Variants in MBTPS1 observed in about 807,000 individuals in gnomAD.
MBTPS1 encodes membrane bound transcription factor peptidase, site 1.
In MBTPS1, 94 loss-of-function variants were observed where a neutral mutation model predicts 127.8. That is an observed-to-expected ratio of 0.74 (90% confidence interval 0.62 to 0.87). MBTPS1 has a LOEUF of 0.87. MBTPS1 is among the 40% of genes least tolerant of loss of function. The probability of loss-of-function intolerance (pLI) is 0.00; values close to 1 mark genes in which losing one functional copy is unlikely to be tolerated. For synonymous variants in MBTPS1, 632 were observed against 509.4 expected, an observed-to-expected ratio of 1.24 and a Z score of -3.24; for missense variants, 1,636 against 1,353.2, an observed-to-expected ratio of 1.21 and a Z score of -3.28.
intron 12 of MBTPS1, among the ~76,000 whole-genome samples, chr16:84,072,433 T>C (rs1019433001): frequency 1.3e-5 from 2 of 152,164 alleles, no homozygotes; most frequent in Non-Finnish European, 2.9e-5. Context: ...CCTAAAAGGG[T>C]GAATTTCACG....
At position 84,053,882 on chromosome 16, in the gene MBTPS1, G is replaced by C. The variant is rs2085476748; in HGVS notation, c.*567C>G. 1 of 152,102 alleles carries C rather than the reference G, an allele frequency of 6.6e-6. No homozygotes were observed. Among genetic ancestry groups the C allele is most frequent in the African/African-American group, 2.4e-5 (1 of 41,386 alleles). The allele number at this position is 152,102 out of a possible 1,614,324, so 9.4% of individuals were successfully genotyped here. A position where few individuals can be genotyped will look rare whatever the true frequency, so the allele number is the denominator to read the frequency against. On this transcript the variant is annotated 3_prime_UTR_variant, in exon 23 of 23. Coordinates refer to ENST00000343411, the MANE Select transcript of MBTPS1 (RefSeq NM_003791.4). ...TGATACTTACAAAAATAAAGCGAAGGTCTATGTTTTACAGATTTGTGCATG... is the reference window on the plus strand; with the variant it reads ...TGATACTTACAAAAATAAAGCGAAGCTCTATGTTTTACAGATTTGTGCATG...
chr16:84,084,308 C>G (rs1437922063), intron 10 of MBTPS1, among the ~76,000 whole-genome samples: 1 of 152,224 alleles, frequency 6.6e-6, no homozygotes, highest in East Asian at 1.9e-4. Flanking sequence ...AAGGGCCAGT[C>G]ACTAAGCTCC....
chr16:84,079,207 C>T (rs576388994), intron 11 of MBTPS1, among the ~76,000 whole-genome samples: 2 of 152,332 alleles, frequency 1.3e-5, no homozygotes, highest in South Asian at 4.1e-4. Flanking sequence ...GAGGCCTCCC[C>T]AGAAGCAGGT....
At chr16:84,087,253 T>C (rs2086041756) in intron 9 of MBTPS1, 105 bp downstream of exon 9, 2 of 798,804 alleles carry the variant, frequency 2.5e-6, no homozygotes, top group African/African-American at 1.7e-5. Flanking sequence ...AATGTGAGGG[T>C]GTCTGTGCAC....
At chr16:84,081,141 C>A (rs1205195877) in intron 11 of MBTPS1, among the ~76,000 whole-genome samples, 2 of 152,200 alleles carry the variant, frequency 1.3e-5, no homozygotes, top group African/African-American at 2.4e-5. Flanking sequence ...GACGCTCATA[C>A]TGAGGTTATG....
chr16:84,078,685 A>T (rs565299174), intron 11 of MBTPS1, among the ~76,000 whole-genome samples: 8 of 152,232 alleles, frequency 5.3e-5, no homozygotes, highest in Non-Finnish European at 1.2e-4. Context: ...GGCTTAAACG[A>T]TTGTACATTC....
Position 84,059,345 on chromosome 16 carries a change from A to G in MBTPS1, c.2788T>C (p.Leu930=), listed in dbSNP as rs1377550536. The change falls in exon 21 of 23, where the codon TTG becomes CTG. Residue 930 remains leucine, a synonymous_variant. Transcript: ENST00000343411. The part of the protein sequence containing the change: ...KPRPLPACPR[L]SWAKPQPLNE... ...AAAGGCTGTGGCTTGGCCCAAGACA[A>G]GCGTGGACAGGCTGGTAGAGGCCGA... 1 of 1,614,168 alleles carries G rather than the reference A, an allele frequency of 6.2e-7. No individual in the cohort carries two copies.
intron 1 of MBTPS1, among the ~76,000 whole-genome samples, chr16:84,116,081 G>A (rs896274056): frequency 2.0e-5 from 3 of 152,132 alleles, no homozygotes; most frequent in Non-Finnish European, 2.9e-5. Context: ...ATTCAACGCA[G>A]GTCGTATTCC....
At chr16:84,071,485 G>C (rs1471769535) in intron 12 of MBTPS1, among the ~76,000 whole-genome samples, 2 of 152,210 alleles carry the variant, frequency 1.3e-5, no homozygotes, top group African/African-American at 4.8e-5. Flanking sequence ...AGGATACGGT[G>C]TCCCAAATAA....
chr16:84,101,633 C>A lies in MBTPS1; in HGVS notation c.151G>T (p.Val51Phe). 6.2e-7 allele frequency: 1 copy of A among 1,613,434 alleles called. No homozygotes were observed. Among genetic ancestry groups the A allele is most frequent in the Non-Finnish European group, 8.5e-7 (1 of 1,179,648 alleles). The change falls in exon 2 of 23, where the codon GTT becomes TTT. Residue 51 changes from valine to phenylalanine, a missense_variant. Coordinates refer to ENST00000343411, the MANE Select transcript of MBTPS1 (RefSeq NM_003791.4). The stretch of plus-strand genomic sequence containing the variant: ...ACAACATCATTACCATATTCCACAA[C>A]TGTTGATGAGAATTCCACCTTCAAA... The part of the protein sequence containing the change: ...LTLKVEFSST[V>F]VEYEYIVAFN...
intron 1 of MBTPS1, among the ~76,000 whole-genome samples, chr16:84,115,005 TACAA>T (rs1488756866): frequency 2.1e-4 from 32 of 151,584 alleles, no homozygotes; most frequent in African/African-American, 7.7e-4. Context: ...CTTGGCTCAC[TACAA>T]CCTCTGCCGC....
At chr16:84,067,939 T>C in intron 15 of MBTPS1, 116 bp from the exon 16 acceptor site, 1 of 962,050 alleles carries the variant, frequency 1.0e-6, no homozygotes, top group Non-Finnish European at 1.5e-6. Flanking sequence ...AACAGTCTGG[T>C]TTGTGCCACC....
chr16:84,059,843 TC>T (rs1156476947), intron 20 of MBTPS1: 2 of 156,456 alleles, frequency 1.3e-5, no homozygotes, highest in Non-Finnish European at 2.8e-5. Context: ...CAAAATTCTT[TC>T]TATTTCTTAG....
chr16:84,086,813 AG>A (rs2086034854), intron 9 of MBTPS1, among the ~76,000 whole-genome samples: 1 of 152,236 alleles, frequency 6.6e-6, no homozygotes, highest in African/African-American at 2.4e-5. Context: ...AAACTTTGAC[AG>A]GTAAAGGTGG....
intron 10 of MBTPS1, 72 bp downstream of exon 10, chr16:84,084,911 C>A: frequency 6.6e-7 from 1 of 1,524,402 alleles, no homozygotes; most frequent in South Asian, 1.2e-5. Flanking sequence ...CAAGACACGA[C>A]TCCTGCTCTG....
At chr16:84,075,333 G>C (rs1306690890) in intron 11 of MBTPS1, 1 of 152,242 alleles carries the variant, frequency 6.6e-6, no homozygotes, top group Non-Finnish European at 1.5e-5. Flanking sequence ...GAGGTGCTGG[G>C]GACCCTGACA....
At chr16:84,110,507 A>C (rs9924434) in intron 1 of MBTPS1, among the ~76,000 whole-genome samples, 2 of 152,158 alleles carry the variant, frequency 1.3e-5, no homozygotes, top group Non-Finnish European at 2.9e-5. Context: ...CAATTTTCAC[A>C]TATGTATTAA....
chr16:84,116,129 A>C (rs941792989), intron 1 of MBTPS1, among the ~76,000 whole-genome samples: 1 of 152,184 alleles, frequency 6.6e-6, no homozygotes, highest in Non-Finnish European at 1.5e-5. Flanking sequence ...AGAATCTAAT[A>C]ACTTAATTTG....
At chr16:84,058,846 A>G (rs1397680197) in intron 21 of MBTPS1, among the ~76,000 whole-genome samples, 1 of 152,210 alleles carries the variant, frequency 6.6e-6, no homozygotes, top group African/African-American at 2.4e-5. Context: ...ACCCCCAGTC[A>G]CAGTCAGCAC....
Sources: gnomAD v4.1 joint callset for allele counts (sites outside exome capture counted in the v4.1 genomes callset) on GRCh38, gnomAD v4.1.1 for gene constraint, MANE v1.5 for transcripts, NCBI Gene and HGNC (gene_info 2026-07-23, HGNC 2026-07-21) for gene names.